PLCB1: variants seen among roughly 807,000 people sequenced by gnomAD.
The protein encoded by PLCB1 is 1-phosphatidylinositol 4,5-bisphosphate phosphodiesterase beta-1.
Under a neutral mutation model 161.8 loss-of-function variants are expected in PLCB1, and 46 were observed. That is an observed-to-expected ratio of 0.28 (90% CI 0.22 to 0.36). PLCB1 has a LOEUF of 0.36. Among genes scored for constraint, PLCB1 ranks in the 10% least tolerant of loss-of-function variants. PLCB1 has a pLI of 1.00. For missense variants in PLCB1, 1,016 were observed against 1,472.5 expected (o/e 0.69, Z 5.07); for synonymous variants, 517 against 503.7 (o/e 1.03, Z -0.35).
chr20:8,325,155 A>G (rs1985098918), intron 2 of PLCB1, among the ~76,000 whole-genome samples: 2 of 152,244 alleles, frequency 1.3e-5, no homozygotes, highest in Admixed American at 1.3e-4. Flanking sequence ...GCTCTGCAAT[A>G]AAGAAGTGAC....
At chr20:8,144,533 TAGAG>T (rs532067202) in intron 1 of PLCB1, among the ~76,000 whole-genome samples, 405 of 152,258 alleles carry the variant, frequency 2.7e-3, no homozygotes, top group African/African-American at 8.8e-3. Context: ...AATTTCAGAG[TAGAG>T]ACACTCCTGG....
At position 8,788,629 on chromosome 20, in the gene PLCB1, TC is replaced by T; in HGVS notation, c.3189-3del. 5.0e-6 allele frequency: 8 copies of T among 1,604,780 alleles called. No homozygotes were observed. The highest frequency in any genetic ancestry group is 6.8e-6 in the Non-Finnish European group (8 of 1,174,764). On this transcript the variant is annotated splice_polypyrimidine_tract_variant and splice_region_variant and intron_variant, in intron 28 of 31. Coordinates refer to ENST00000338037, the MANE Select transcript of PLCB1 (RefSeq NM_015192.4). Reference sequence around the variant, plus strand: ...TTTCTCTTTTACTTCCATTGTGACTTCAGAGAAAAGAAAGAATTAAAGAAGA... The same window carrying T: ...TTTCTCTTTTACTTCCATTGTGACTTAGAGAAAAGAAAGAATTAAAGAAGA...
chr20:8,310,946 C>T (rs545632006), intron 2 of PLCB1, among the ~76,000 whole-genome samples: 11 of 152,070 alleles, frequency 7.2e-5, no homozygotes, highest in South Asian at 6.2e-4. Context: ...GTATATGCAC[C>T]CCCACTGATG....
chr20:8,729,389 A>C, intron 18 of PLCB1: 1 of 354,156 alleles, frequency 2.8e-6, no homozygotes, highest in African/African-American at 2.1e-5. Context: ...CTTTATTTCT[A>C]CAGGCTTTGC....
chr20:8,526,205 T>A (rs1252797352), intron 3 of PLCB1, among the ~76,000 whole-genome samples: 3 of 152,110 alleles, frequency 2.0e-5, no homozygotes, highest in Non-Finnish European at 4.4e-5. Flanking sequence ...TAAAAAGGAA[T>A]TTATATTTAA....
chr20:8,875,736 T>G (rs1332498619), intron 31 of PLCB1, among the ~76,000 whole-genome samples: 2 of 151,918 alleles, frequency 1.3e-5, no homozygotes, highest in African/African-American at 4.8e-5. Flanking sequence ...CTTATTGTTC[T>G]CTGGTTTCAA....
At chr20:8,461,677 C>T (rs1406940251) in intron 3 of PLCB1, among the ~76,000 whole-genome samples, 2 of 152,098 alleles carry the variant, frequency 1.3e-5, no homozygotes, top group Non-Finnish European at 2.9e-5. Context: ...AATAATAACA[C>T]AAAACTACAT....
chr20:8,567,907 A>G (rs148811588), intron 3 of PLCB1, among the ~76,000 whole-genome samples: 159 of 152,354 alleles, frequency 1.0e-3, no homozygotes, highest in Admixed American at 4.3e-3. Context: ...AAGTCAATTT[A>G]TACTTTAAAG....
At chr20:8,381,373 G>A (rs1367399292) in intron 3 of PLCB1, among the ~76,000 whole-genome samples, 1 of 152,300 alleles carries the variant, frequency 6.6e-6, no homozygotes, top group South Asian at 2.1e-4. Context: ...TTGCATCGAT[G>A]TTCATCAGGG....
intron 3 of PLCB1, among the ~76,000 whole-genome samples, chr20:8,539,618 TTCTTTCTTTCTTTCTTTC>T (rs1165343308): frequency 5.3e-5 from 3 of 56,726 alleles, no homozygotes; most frequent in African/African-American, 2.6e-4. Context: ...TTTCTTTATT[TTCTTTCTTTCTTTCTTTC>T]TTTCTTTCTT....
chr20:8,583,528 A>G (rs1342556329), intron 3 of PLCB1, among the ~76,000 whole-genome samples: 1 of 152,210 alleles, frequency 6.6e-6, no homozygotes, highest in African/African-American at 2.4e-5. Context: ...GAATGAACAT[A>G]TAATCTCCAG....
At chr20:8,716,408 A>G in intron 13 of PLCB1, 60 bp downstream of exon 13, 1 of 1,199,278 alleles carries the variant, frequency 8.3e-7, no homozygotes, top group Non-Finnish European at 1.2e-6. Context: ...AATGAGGTTG[A>G]GGGAAAACTT....
chr20:8,678,972 A>G (rs780718415), intron 9 of PLCB1, among the ~76,000 whole-genome samples: 7 of 152,242 alleles, frequency 4.6e-5, no homozygotes, highest in Non-Finnish European at 1.0e-4. Context: ...CTAAATGAAT[A>G]GAAACCTGAA....
chr20:8,365,188 G>A (rs1167188285), intron 2 of PLCB1, among the ~76,000 whole-genome samples: 2 of 152,194 alleles, frequency 1.3e-5, no homozygotes, highest in Non-Finnish European at 2.9e-5. Context: ...GACAGATGAG[G>A]ATACAAGGCA....
At chr20:8,192,407 A>T (rs1206895405) in intron 2 of PLCB1, among the ~76,000 whole-genome samples, 1 of 152,034 alleles carries the variant, frequency 6.6e-6, no homozygotes, top group Non-Finnish European at 1.5e-5. Flanking sequence ...AAAGAACAAC[A>T]TAAAGGACAG....
chr20:8,812,206 G>A (rs1191934691), intron 31 of PLCB1, among the ~76,000 whole-genome samples: 1 of 152,128 alleles, frequency 6.6e-6, no homozygotes, highest in Non-Finnish European at 1.5e-5. Context: ...TCTTCCTCAG[G>A]CCTTGGAATC....
At chr20:8,431,838 G>A (rs1366530551) in intron 3 of PLCB1, among the ~76,000 whole-genome samples, 1 of 152,174 alleles carries the variant, frequency 6.6e-6, no homozygotes, top group Non-Finnish European at 1.5e-5. Flanking sequence ...CTTGAATGCT[G>A]TATTAGTCTG....
chr20:8,531,783 C>T, intron 3 of PLCB1, among the ~76,000 whole-genome samples: 1 of 151,770 alleles, frequency 6.6e-6, no homozygotes. Context: ...TATATGCACA[C>T]TTGTCTTGAA....
rs937841171 is a variant in PLCB1, at chr20:8,440,926, A to G, written c.246+69476A>G. ...ATCACTATGTACTCCATGAATATAT[A>G]CAATTATTATGTGTCAATTTAAGAA... On this transcript the variant is annotated intron_variant, in intron 3 of 31. Coordinates refer to ENST00000338037, the MANE Select transcript of PLCB1 (RefSeq NM_015192.4). Among the ~76,000 whole-genome samples the G allele has an allele frequency of 3.9e-5, 6 of 152,222 alleles. No homozygotes were observed. The East Asian group carries it at 1.2e-3, about 29-fold the overall frequency.
Sources: allele counts gnomAD v4.1 joint callset (sites outside exome capture counted in the v4.1 genomes callset), GRCh38; gene constraint gnomAD v4.1.1; transcripts MANE v1.5; gene names NCBI Gene and HGNC (gene_info 2026-07-23, HGNC 2026-07-21).